Variants in SPOCK1 observed in about 807,000 individuals in gnomAD.
SPOCK1 encodes the protein testican-1.
In SPOCK1, 23 loss-of-function variants were observed where a neutral mutation model predicts 55.3. The ratio of observed to expected loss-of-function variants is 0.42; its 90% confidence interval spans 0.30 to 0.59. The LOEUF (loss-of-function observed/expected upper bound fraction) is 0.59. Ranked by LOEUF, SPOCK1 falls within the 20% of genes least tolerant of loss-of-function variation. SPOCK1 has a pLI of 0.22. For synonymous variants in SPOCK1, 226 were observed against 221.0 expected (o/e 1.02, Z -0.20); for missense variants, 499 against 552.5 (o/e 0.90, Z 0.97).
At chr5:137,396,979 A>G (rs1751863676) in intron 2 of SPOCK1, among the ~76,000 whole-genome samples, 1 of 152,200 alleles carries the variant, frequency 6.6e-6, no homozygotes, top group South Asian at 2.1e-4. Context: ...TGCAACCATC[A>G]ACACCTGTGT....
chr5:137,234,881 T>A (rs1419029791), intron 3 of SPOCK1, among the ~76,000 whole-genome samples: 1 of 152,240 alleles, frequency 6.6e-6, no homozygotes, highest in East Asian at 1.9e-4. Flanking sequence ...ATACCAAACA[T>A]TCTTCCAATA....
chr5:137,145,286 A>G lies in SPOCK1; in HGVS notation c.233-4592T>C, dbSNP rs576313545. 2.3e-4 allele frequency among the ~76,000 whole-genome samples: 35 copies of G among 152,348 alleles called. 1 individual carries two copies. Among genetic ancestry groups the G allele is most frequent in the Non-Finnish European group, 8.8e-5 (6 of 68,032 alleles). ...CTTTTTTTGATTAATTTTATTTTTA[A>G]GCTCACTACTTGGTCTCAATTAAGG... On this transcript the variant is annotated intron_variant, in intron 3 of 10. Coordinates refer to ENST00000394945, the MANE Select transcript of SPOCK1 (RefSeq NM_004598.4).
intron 6 of SPOCK1, among the ~76,000 whole-genome samples, chr5:137,043,870 G>A (rs1375142052): frequency 6.6e-6 from 1 of 152,112 alleles, no homozygotes; most frequent in Non-Finnish European, 1.5e-5. Flanking sequence ...TAAAAGCTAA[G>A]GAAATATGAA....
chr5:137,224,686 C>A (rs2127089783), intron 3 of SPOCK1, among the ~76,000 whole-genome samples: 1 of 152,292 alleles, frequency 6.6e-6, no homozygotes, highest in East Asian at 1.9e-4. Flanking sequence ...GGTGTCTAAG[C>A]CTCTGCCAGA....
intron 3 of SPOCK1, among the ~76,000 whole-genome samples, chr5:137,240,443 AG>A: frequency 6.6e-6 from 1 of 152,328 alleles, no homozygotes; most frequent in East Asian, 1.9e-4. Flanking sequence ...AGATCTTGCC[AG>A]AACTCAGAGT....
chr5:137,080,527 T>C (rs11953059), intron 5 of SPOCK1, among the ~76,000 whole-genome samples: 69,605 of 151,858 alleles, frequency 0.46, 17,759 homozygotes, highest in Non-Finnish European at 0.57. Context: ...AGTTACAGTG[T>C]CCCTCCCGGA....
At chr5:137,301,623 A>G (rs150149560) in intron 2 of SPOCK1, among the ~76,000 whole-genome samples, 665 of 141,444 alleles carry the variant, frequency 4.7e-3, no homozygotes, top group African/African-American at 0.017. Flanking sequence ...ATACTCATTA[A>G]GCATTTCGTC....
intron 2 of SPOCK1, among the ~76,000 whole-genome samples, chr5:137,416,879 A>G (rs983241817): frequency 1.3e-5 from 2 of 152,122 alleles, no homozygotes; most frequent in Non-Finnish European, 2.9e-5. Flanking sequence ...TTATGTGCCC[A>G]CTGGCCACTT....
chr5:136,999,743 T>G (rs1309423216), intron 6 of SPOCK1, among the ~76,000 whole-genome samples: 2 of 152,194 alleles, frequency 1.3e-5, no homozygotes, highest in Non-Finnish European at 2.9e-5. Context: ...TGTTACTATC[T>G]AATAGAGTAA....
At chr5:137,424,290 AC>A (rs1752563039) in intron 2 of SPOCK1, among the ~76,000 whole-genome samples, 1 of 152,174 alleles carries the variant, frequency 6.6e-6, no homozygotes, top group Non-Finnish European at 1.5e-5. Context: ...CTGAGGTGGG[AC>A]GATCACTTGA....
rs960680839 is a variant in SPOCK1, at chr5:137,197,514, T to C, written c.233-56820A>G. ...CTGCCAAGGCTGCATGAGGATTAAA[T>C]AAGATAATGTGTGTGACATGCCTGC... On this transcript the variant is annotated intron_variant, in intron 3 of 10. Coordinates refer to ENST00000394945, the MANE Select transcript of SPOCK1 (RefSeq NM_004598.4). Among the ~76,000 whole-genome samples, 4 of 152,184 alleles carry C rather than the reference T, an allele frequency of 2.6e-5. No homozygotes were observed. In the South Asian group the frequency reaches 6.2e-4, roughly 24 times the overall value.
At chr5:137,151,108 T>C (rs1754310673) in intron 3 of SPOCK1, among the ~76,000 whole-genome samples, 1 of 152,330 alleles carries the variant, frequency 6.6e-6, no homozygotes, top group Middle Eastern at 3.4e-3. Flanking sequence ...CAGCATCTAT[T>C]TTACCAGATG....
chr5:137,248,104 G>A (rs11745884), intron 3 of SPOCK1, among the ~76,000 whole-genome samples: 17,877 of 152,158 alleles, frequency 0.12, 1,321 homozygotes, highest in East Asian at 0.25. Context: ...ATAACTTAGA[G>A]GTGAAGGATT....
chr5:137,350,806 T>C (rs1226292265), intron 2 of SPOCK1, among the ~76,000 whole-genome samples: 2 of 151,960 alleles, frequency 1.3e-5, no homozygotes, highest in African/African-American at 4.8e-5. Context: ...TGTGTGTGTG[T>C]GTGTGTGTGT....
intron 2 of SPOCK1, among the ~76,000 whole-genome samples, chr5:137,335,397 T>C (rs1377731744): frequency 6.6e-6 from 1 of 152,230 alleles, no homozygotes; most frequent in Non-Finnish European, 1.5e-5. Flanking sequence ...GTTCTTTATG[T>C]AGTGGAATGA....
chr5:137,173,205 C>T (rs891539648), intron 3 of SPOCK1, among the ~76,000 whole-genome samples: 5 of 152,058 alleles, frequency 3.3e-5, no homozygotes, highest in Non-Finnish European at 7.4e-5. Flanking sequence ...CTTTCTTGGA[C>T]CTCCAAGTCT....
At chr5:137,220,045 C>A (rs1185797041) in intron 3 of SPOCK1, among the ~76,000 whole-genome samples, 2 of 152,302 alleles carry the variant, frequency 1.3e-5, no homozygotes, top group East Asian at 1.9e-4. Context: ...CCCAGGGTAT[C>A]TAGACACCAT....
intron 2 of SPOCK1, among the ~76,000 whole-genome samples, chr5:137,435,474 G>A (rs993294115): frequency 2.0e-5 from 3 of 151,898 alleles, no homozygotes; most frequent in Middle Eastern, 3.4e-3. Context: ...TTTTTTGTAT[G>A]TTTCTCTGTT....
chr5:137,475,149 G>A (rs1217388370), intron 2 of SPOCK1, among the ~76,000 whole-genome samples: 1 of 152,156 alleles, frequency 6.6e-6, no homozygotes, highest in Non-Finnish European at 1.5e-5. Context: ...GTATAATACA[G>A]ACCATCACTG....
Sources: allele counts gnomAD v4.1 joint callset (sites outside exome capture counted in the v4.1 genomes callset), GRCh38; gene constraint gnomAD v4.1.1; transcripts MANE v1.5; gene names NCBI Gene and HGNC (gene_info 2026-07-23, HGNC 2026-07-21).